Variants in MSH3 observed in about 807,000 individuals in gnomAD.
MSH3 encodes the protein DNA mismatch repair protein Msh3.
Under a neutral mutation model 123.3 loss-of-function variants are expected in MSH3, and 106 were observed. The ratio of observed to expected loss-of-function variants is 0.86; its 90% confidence interval spans 0.73 to 1.01. The LOEUF is 1.01. Ranked by LOEUF, MSH3 falls within the 50% of genes least tolerant of loss-of-function variation. The probability of loss-of-function intolerance (pLI) is 0.00; values close to 1 mark genes in which losing one functional copy is unlikely to be tolerated. For missense variants in MSH3, 1,459 were observed against 1,347.6 expected (o/e 1.08, Z -1.29); for synonymous variants, 515 against 481.4 (o/e 1.07, Z -0.91).
At chr5:80,756,110 CACA>C (rs1353722851) in intron 12 of MSH3, among the ~76,000 whole-genome samples, 3 of 151,874 alleles carry the variant, frequency 2.0e-5, no homozygotes, top group Non-Finnish European at 4.4e-5. Flanking sequence ...AAAAAGGAAA[CACA>C]GACAATTCTT....
intron 19 of MSH3, among the ~76,000 whole-genome samples, chr5:80,797,665 T>TTAAAAA (rs1454396101): frequency 1.3e-5 from 2 of 152,196 alleles, no homozygotes; most frequent in Non-Finnish European, 2.9e-5. Context: ...TAAACATATT[T>TTAAAAA]TAAGGCAAGC....
intron 17 of MSH3, among the ~76,000 whole-genome samples, chr5:80,787,065 G>A (rs1037779272): frequency 2.3e-5 from 3 of 130,248 alleles, no homozygotes; most frequent in African/African-American, 8.7e-5. Context: ...TTATAAACTA[G>A]ATGTTAGGTC....
chr5:80,862,799 A>G (rs1197970136), intron 21 of MSH3, among the ~76,000 whole-genome samples: 1 of 152,216 alleles, frequency 6.6e-6, no homozygotes, highest in Non-Finnish European at 1.5e-5. Flanking sequence ...GACACTAACA[A>G]AAATAAACTT....
At chr5:80,795,335 A>G (rs1744678089) in intron 19 of MSH3, among the ~76,000 whole-genome samples, 3 of 152,204 alleles carry the variant, frequency 2.0e-5, no homozygotes, top group East Asian at 1.9e-4. Flanking sequence ...ACAAAATATC[A>G]TAGACTGAGT....
intron 6 of MSH3, 116 bp downstream of exon 6, chr5:80,672,974 G>A (rs1749756835): frequency 2.5e-6 from 2 of 811,012 alleles, no homozygotes; most frequent in Admixed American, 1.7e-5. Context: ...TAGATGAGCT[G>A]AGAGGCATTA....
chr5:80,761,460 G>A, intron 12 of MSH3, 86 bp from the exon 13 acceptor site: 1 of 1,513,776 alleles, frequency 6.6e-7, no homozygotes, highest in Non-Finnish European at 9.2e-7. Context: ...AAGTGGCTGT[G>A]TCACATTCCT....
At chr5:80,817,569 ATAAAT>A (rs1745128049) in intron 20 of MSH3, among the ~76,000 whole-genome samples, 1 of 152,184 alleles carries the variant, frequency 6.6e-6, no homozygotes, top group Non-Finnish European at 1.5e-5. Context: ...CTAAAAATAA[ATAAAT>A]TAATTAATTA....
intron 20 of MSH3, among the ~76,000 whole-genome samples, chr5:80,831,852 T>C (rs1022818114): frequency 2.0e-5 from 3 of 152,148 alleles, no homozygotes; most frequent in Admixed American, 1.3e-4. Context: ...CTGACTCCTG[T>C]AATCCCAGCA....
At chr5:80,718,495 G>GC (rs1751007391) in intron 8 of MSH3, among the ~76,000 whole-genome samples, 1 of 122,214 alleles carries the variant, frequency 8.2e-6, no homozygotes, top group Admixed American at 8.4e-5. Context: ...CTCACCTTTG[G>GC]TTTTTTTTTT....
intron 8 of MSH3, among the ~76,000 whole-genome samples, chr5:80,712,023 G>T (rs1391474539): frequency 6.6e-6 from 1 of 152,184 alleles, no homozygotes; most frequent in Admixed American, 6.5e-5. Flanking sequence ...TGGCTCGTAA[G>T]TGAAAAGCTT....
intron 8 of MSH3, among the ~76,000 whole-genome samples, chr5:80,722,817 A>G (rs1367359102): frequency 1.3e-5 from 2 of 152,190 alleles, no homozygotes; most frequent in African/African-American, 2.4e-5. Flanking sequence ...TTAAAATACC[A>G]ATAAGGGCTG....
chr5:80,765,091 T>G (rs188980899), intron 13 of MSH3, among the ~76,000 whole-genome samples: 74 of 152,296 alleles, frequency 4.9e-4, no homozygotes, highest in African/African-American at 1.7e-3. Flanking sequence ...TAGCTTCTTT[T>G]GAGTTCTTTT....
chr5:80,842,952 G>A (rs1453023677), intron 20 of MSH3, among the ~76,000 whole-genome samples: 2 of 152,158 alleles, frequency 1.3e-5, no homozygotes, highest in African/African-American at 2.4e-5. Flanking sequence ...TTGAGTAGGA[G>A]GGGTGAGAGA....
intron 12 of MSH3, among the ~76,000 whole-genome samples, chr5:80,752,489 G>T (rs1047900009): frequency 6.6e-6 from 1 of 152,082 alleles, no homozygotes; most frequent in Non-Finnish European, 1.5e-5. Flanking sequence ...GCACATAGGG[G>T]ACCTTTTGAA....
At chr5:80,730,473 A>T (rs1743390830) in intron 10 of MSH3, among the ~76,000 whole-genome samples, 1 of 152,124 alleles carries the variant, frequency 6.6e-6, no homozygotes, top group Non-Finnish European at 1.5e-5. Context: ...GTTCTAACTG[A>T]TGTTTCATTT....
chr5:80,771,715 G>T (rs943964764), intron 15 of MSH3, among the ~76,000 whole-genome samples: 1 of 152,088 alleles, frequency 6.6e-6, no homozygotes, highest in African/African-American at 2.4e-5. Context: ...TGTGAGCCAC[G>T]TGATGGTATG....
intron 20 of MSH3, among the ~76,000 whole-genome samples, chr5:80,845,134 G>A (rs530213492): frequency 1.3e-5 from 2 of 152,238 alleles, no homozygotes; most frequent in African/African-American, 4.8e-5. Context: ...TGTCTGTGAA[G>A]GATTTTACTT....
chr5:80,803,081 C>CAT (rs35496177), intron 19 of MSH3, among the ~76,000 whole-genome samples: 11 of 151,344 alleles, frequency 7.3e-5, no homozygotes, highest in Admixed American at 1.3e-4. Context: ...TTCTTTTGGG[C>CAT]ATATATATAT....
chr5:80,821,605 A>G (rs1332787301), intron 20 of MSH3, among the ~76,000 whole-genome samples: 2 of 152,210 alleles, frequency 1.3e-5, no homozygotes, highest in African/African-American at 4.8e-5. Flanking sequence ...GAAATATGGG[A>G]CATTTTCCTG....
Sources: gnomAD v4.1 joint callset for allele counts (sites outside exome capture counted in the v4.1 genomes callset) on GRCh38, gnomAD v4.1.1 for gene constraint, MANE v1.5 for transcripts, NCBI Gene and HGNC (gene_info 2026-07-23, HGNC 2026-07-21) for gene names.